CDC37: variants seen among roughly 807,000 people sequenced by gnomAD.
CDC37 encodes hsp90 co-chaperone Cdc37.
CDC37 carries 9 observed loss-of-function variants against 46.9 expected under a neutral mutation model. The observed-to-expected ratio is 0.19, with a 90% CI of 0.12 to 0.33. The LOEUF is 0.33. Ranked by LOEUF, CDC37 falls within the 10% of genes least tolerant of loss-of-function variation. The pLI, the probability that CDC37 is intolerant of heterozygous loss-of-function variation, is 1.00. For missense variants in CDC37, 388 were observed against 514.6 expected (o/e 0.75, Z 2.38); for synonymous variants, 193 against 191.0 (o/e 1.01, Z -0.09).
rs747889580 is a variant in CDC37 at position 10,393,239 on chromosome 19, C to G, written c.909+20G>C. On this transcript the variant is annotated intron_variant, in intron 6 of 7. Coordinates refer to ENST00000222005, the MANE Select transcript of CDC37 (RefSeq NM_007065.4). The surrounding 1 kb of genome is among the most constrained non-coding windows in gnomAD (Gnocchi z 4.9). ...CCGCTCAGGGTCTTCCTGCTGCCCG[C>G]CTGGGCCGGGGAGCCCCACCTCAGG... The G allele has an allele frequency of 3.7e-6, 6 of 1,612,670 alleles. No homozygotes were observed. Among genetic ancestry groups the G allele is most frequent in the Non-Finnish European group, 5.1e-6 (6 of 1,179,324 alleles).
chr19:10,397,242 G>GC (rs2042497022), intron 1 of CDC37, among the ~76,000 whole-genome samples: 1 of 145,682 alleles, frequency 6.9e-6, no homozygotes, highest in African/African-American at 2.5e-5. Context: ...GCAAATGCTT[G>GC]TTTTTTTTTT....
intron 7 of CDC37, chr19:10,392,771 C>T: frequency 2.3e-6 from 1 of 439,146 alleles, no homozygotes; most frequent in Non-Finnish European, 4.1e-6. Flanking sequence ...GTGCTCACCT[C>T]CCTTTCCCAC....
rs752951399 is a variant in CDC37 at position 10,395,163 on chromosome 19, C to T, written c.604-20G>A. The T allele has an allele frequency of 2.5e-6, 4 of 1,609,722 alleles. No individual in the cohort carries two copies. The Admixed American group carries it at 6.7e-5, about 27-fold the overall frequency. ...ACATTTCTGCCAGGAAGAACAGGCA[C>T]AGCGTCACCAAGTGGCGGCCTCATG... On this transcript the variant is annotated intron_variant, in intron 4 of 7. Transcript: ENST00000222005.
At chr19:10,392,084 G>A (rs1336213231) in intron 7 of CDC37, among the ~76,000 whole-genome samples, 3 of 152,268 alleles carry the variant, frequency 2.0e-5, no homozygotes, top group Admixed American at 6.5e-5. Context: ...TTACAGGCGT[G>A]AGCCACCGTA....
intron 1 of CDC37, among the ~76,000 whole-genome samples, chr19:10,397,705 C>T (rs1229840665): frequency 1.3e-5 from 2 of 151,928 alleles, no homozygotes; most frequent in Non-Finnish European, 2.9e-5. Flanking sequence ...GCACCAGGGC[C>T]CCTTCTAGAT....
rs748457230 is a variant in CDC37, at chr19:10,395,436, A to T, written c.486T>A (p.Phe162Leu). The stretch of plus-strand genomic sequence containing the variant: ...CCATAACCCACAAGCCCCACTCACC[A>T]AAGTGCTTGATCTGTTTCTCGTATT... ...VEKYEKQIKH[F>L]GMLRRWDDSQ... is the part of the protein sequence containing the mutation. The change falls in exon 3 of 8, where the codon TTT becomes TTA. Residue 162 changes from phenylalanine to leucine, a missense_variant and splice_region_variant. Physicochemically the swap from Phe to Leu is conservative, Grantham distance 22. This residue lies in a region of CDC37 where 374 missense variants were observed against 467.4 expected (regional missense o/e 0.80). Transcript: ENST00000222005. 1 of 1,613,504 alleles carries T rather than the reference A, an allele frequency of 6.2e-7. No individual in the cohort carries two copies.
At chr19:10,395,590 C>G in intron 2 of CDC37, 47 bp from the exon 3 acceptor site, 1 of 1,445,496 alleles carries the variant, frequency 6.9e-7, no homozygotes, top group East Asian at 2.3e-5. Context: ...GGCTGCGGAG[C>G]GCCTCGAGCG....
chr19:10,392,440 C>T (rs897600016), intron 7 of CDC37, among the ~76,000 whole-genome samples: 9 of 152,122 alleles, frequency 5.9e-5, no homozygotes, highest in African/African-American at 1.2e-4. Flanking sequence ...ATTTTACAGA[C>T]GAGAAAACCA....
At chr19:10,402,221 C>T (rs1226289356) in intron 1 of CDC37, among the ~76,000 whole-genome samples, 1 of 148,904 alleles carries the variant, frequency 6.7e-6, no homozygotes, top group East Asian at 2.0e-4. Flanking sequence ...CAGGCACACT[C>T]ATTTGGGGTA....
rs758245087 is a variant in CDC37, at chr19:10,403,396, G to A, written c.84C>T (p.Leu28=). 4 of 1,612,702 alleles carry A rather than the reference G, an allele frequency of 2.5e-6. No individual in the cohort carries two copies. Among genetic ancestry groups the A allele is most frequent in the East Asian group, 2.2e-5 (1 of 44,884 alleles). ...GCCTTACCTGATGCCGCCAGCGGAAGAGACTGGCCGTGTCGATGTTGGGGT... is the reference window on the plus strand; with the variant it reads ...GCCTTACCTGATGCCGCCAGCGGAAAAGACTGGCCGTGTCGATGTTGGGGT... ...ETHPNIDTAS[L]FRWRHQARVE... The change falls in exon 1 of 8, where the codon CTC becomes CTT. Residue 28 remains leucine (L), a synonymous_variant. Transcript: ENST00000222005.
chr19:10,391,827 C>T (rs984832429), intron 7 of CDC37, 121 bp from the exon 8 acceptor site: 16 of 996,730 alleles, frequency 1.6e-5, no homozygotes, highest in African/African-American at 3.3e-5. Flanking sequence ...CTATTTGAGA[C>T]GGAGTCTCAC....
chr19:10,395,903 T>TTG, intron 2 of CDC37, 25 bp downstream of exon 2: 6 of 1,573,896 alleles, frequency 3.8e-6, no homozygotes, highest in East Asian at 2.3e-5. Context: ...GCATGCGCAC[T>TTG]GCCCGCCCCG....
rs148211609 is a variant in CDC37 at position 10,398,621 on chromosome 19, C to T, written c.103-2418G>A. On this transcript the variant is annotated intron_variant, in intron 1 of 7. Transcript: ENST00000222005. The surrounding 1 kb of genome is among the most constrained non-coding windows in gnomAD (Gnocchi z 4.2). ...AGGAGATGATTAGAGTAAAATGTCCCGAGCCATGTGGGCCCTCAGCACGCA... is the reference window on the plus strand; with the variant it reads ...AGGAGATGATTAGAGTAAAATGTCCTGAGCCATGTGGGCCCTCAGCACGCA... Among the ~76,000 whole-genome samples the T allele has an allele frequency of 3.9e-5, 6 of 152,310 alleles. No individual in the cohort carries two copies. Among genetic ancestry groups the T allele is most frequent in the East Asian group, 3.9e-4 (2 of 5,184 alleles).
intron 1 of CDC37, among the ~76,000 whole-genome samples, chr19:10,400,200 C>T (rs1421126759): frequency 6.6e-6 from 1 of 152,092 alleles, no homozygotes; most frequent in Non-Finnish European, 1.5e-5. Context: ...GGAGAAGCCA[C>T]CCCAGCAAGC....
intron 1 of CDC37, among the ~76,000 whole-genome samples, chr19:10,400,077 C>T (rs992070808): frequency 6.6e-6 from 1 of 152,048 alleles, no homozygotes; most frequent in African/African-American, 2.4e-5. Flanking sequence ...CTCTGAACAA[C>T]TGCCAGGGAG....
Position 10,393,646 on chromosome 19 carries a change from C to T in CDC37, c.727-205G>A, listed in dbSNP as rs2042471456. The T allele has an allele frequency of 1.8e-6, 1 of 567,024 alleles. No individual in the cohort carries two copies. Among genetic ancestry groups the T allele is most frequent in the Non-Finnish European group, 3.1e-6 (1 of 323,824 alleles). 35.1% of individuals were successfully genotyped at this position (567,024 alleles called of 1,614,324 possible). A position where few individuals can be genotyped will look rare whatever the true frequency, so the allele number is the denominator to read the frequency against. ...TGCCAAAGACCACCTGCTTGGGAGCCCTGCTCTACTGCAGATCTGAGACAC... is the reference window on the plus strand; with the variant it reads ...TGCCAAAGACCACCTGCTTGGGAGCTCTGCTCTACTGCAGATCTGAGACAC... On this transcript the variant is annotated intron_variant, in intron 5 of 7. Transcript: ENST00000222005. The surrounding 1 kb of genome is among the most constrained non-coding windows in gnomAD (Gnocchi z 4.9).
chr19:10,400,119 C>T (rs192968040), intron 1 of CDC37, among the ~76,000 whole-genome samples: 4 of 151,952 alleles, frequency 2.6e-5, no homozygotes, highest in Admixed American at 6.6e-5. Flanking sequence ...TTGGAGTTGG[C>T]GGGGGCGGCA....
chr19:10,403,308 G>A (rs2042530101), intron 1 of CDC37, 70 bp downstream of exon 1: 6 of 1,157,564 alleles, frequency 5.2e-6, no homozygotes, highest in Non-Finnish European at 7.6e-6. Flanking sequence ...GGGTCCCTGG[G>A]CAGTATCGGG....
rs532465954 is a variant in CDC37 at position 10,392,263 on chromosome 19, C to T, written c.982-557G>A. On this transcript the variant is annotated intron_variant, in intron 7 of 7. Transcript: ENST00000222005. ...CAACTCTGCTGTGGTAGAGCAAGAT[C>T]GGTTGTAGATGATAGGGAAACAATT... Among the ~76,000 whole-genome samples, 6 of 150,072 alleles carry T rather than the reference C, an allele frequency of 4.0e-5. No individual in the cohort carries two copies. In the East Asian group the frequency reaches 7.7e-4, roughly 19 times the overall value.
Sources: gnomAD v4.1 joint callset for allele counts (sites outside exome capture counted in the v4.1 genomes callset) on GRCh38, gnomAD v4.1.1 for gene constraint, gnomAD v4.1.1 regional missense constraint, Gnocchi (gnomAD v3.1) non-coding constraint, MANE v1.5 for transcripts, NCBI Gene and HGNC (gene_info 2026-07-23, HGNC 2026-07-21) for gene names.